ZNF469: variants seen among roughly 807,000 people sequenced by gnomAD.
ZNF469 encodes zinc finger protein 469.
ZNF469 carries 1 observed loss-of-function variant against 1.0 expected under a neutral mutation model. That is an observed-to-expected ratio of 1.00 (90% CI 0.35 to 4.73). The LOEUF (loss-of-function observed/expected upper bound fraction) is 4.73, where lower values mean the gene tolerates loss of function less well. ZNF469 is among the 30% of genes most tolerant of loss of function. The probability of loss-of-function intolerance (pLI) is 0.16; values close to 1 mark genes in which losing one functional copy is unlikely to be tolerated. For missense variants in ZNF469, 6,100 were observed against 5,356.3 expected (o/e 1.14, Z -4.33); for synonymous variants, 2,703 against 2,363.4 (o/e 1.14, Z -4.17).
rs746145535 is a variant in ZNF469, at chr16:88,439,004, C to G, written c.11534C>G (p.Pro3845Arg). 7.1e-6 allele frequency: 11 copies of G among 1,550,452 alleles called. No homozygotes were observed. The highest frequency in any genetic ancestry group is 1.4e-5 in the African/African-American group (1 of 73,182). The change falls in exon 3 of 3, where the codon CCC (proline) becomes CGC (arginine). Residue 3845 changes from proline to arginine, a missense_variant. Physicochemically the swap from Pro to Arg is moderately radical, Grantham distance 103. Coordinates refer to ENST00000565624, the MANE Select transcript of ZNF469 (RefSeq NM_001367624.2). ...GCCCCCTCAGCCCCTGACAAGCCCCCCCGGACCCCTCGGAAGCAGGCAACT... is the reference window on the plus strand; with the variant it reads ...GCCCCCTCAGCCCCTGACAAGCCCCGCCGGACCCCTCGGAAGCAGGCAACT... The part of the protein sequence containing the change: ...GRAPSAPDKP[P>R]RTPRKQATPS...
chr16:88,259,698 C>T, the ZNF469 span, among the ~76,000 whole-genome samples: 1 of 151,936 alleles, frequency 6.6e-6, no homozygotes, highest in Non-Finnish European at 1.5e-5. The surrounding 1 kb of genome is among the most constrained non-coding windows in gnomAD (Gnocchi z 4.1). Context: ...CTCACCCCCA[C>T]CTGCACTCAC....
the ZNF469 span, among the ~76,000 whole-genome samples, chr16:88,371,953 ACC>A: frequency 6.9e-6 from 1 of 144,878 alleles, no homozygotes; most frequent in African/African-American, 2.6e-5. Flanking sequence ...CATCACCATC[ACC>A]ACCATCATCA....
At chr16:88,313,847 A>T in the ZNF469 span, among the ~76,000 whole-genome samples, 1 of 146,182 alleles carries the variant, frequency 6.8e-6, no homozygotes, top group African/African-American at 2.6e-5. Context: ...CTGTCTCTGT[A>T]ATTAAGATGA....
the ZNF469 span, among the ~76,000 whole-genome samples, chr16:88,131,046 G>A: frequency 0.018 from 2,760 of 152,000 alleles, no homozygotes; most frequent in African/African-American, 0.064. Context: ...CGCGGCGTTC[G>A]CCTGGCATTT....
the ZNF469 span, among the ~76,000 whole-genome samples, chr16:88,251,537 T>TGTTTTG: frequency 2.3e-5 from 2 of 87,720 alleles, no homozygotes; most frequent in Non-Finnish European, 5.0e-5. Flanking sequence ...GTCCCTGCTG[T>TGTTTTG]CTTTTTTTTT....
chr16:88,243,930 A>G, the ZNF469 span, among the ~76,000 whole-genome samples: 4 of 96,634 alleles, frequency 4.1e-5, no homozygotes, highest in African/African-American at 1.7e-4. Context: ...ATATATATAT[A>G]TATATATATA....
At chr16:88,134,471 G>T in the ZNF469 span, among the ~76,000 whole-genome samples, 12 of 152,198 alleles carry the variant, frequency 7.9e-5, no homozygotes, top group Non-Finnish European at 1.6e-4. Context: ...CATTCCGTGT[G>T]GTTACTTTCT....
the ZNF469 span, among the ~76,000 whole-genome samples, chr16:88,350,769 C>T: frequency 2.0e-5 from 3 of 152,220 alleles, no homozygotes; most frequent in Admixed American, 6.5e-5. Context: ...GTTAGAGACA[C>T]GCGCTGCGGG....
At chr16:88,132,420 T>C in the ZNF469 span, among the ~76,000 whole-genome samples, 2 of 152,092 alleles carry the variant, frequency 1.3e-5, no homozygotes, top group African/African-American at 4.8e-5. Context: ...GAGCGCCGCG[T>C]AGCCGGCGGG....
At position 88,438,604 on chromosome 16, in the gene ZNF469, G is replaced by C. The variant is rs759634111; in HGVS notation, c.11134G>C (p.Ala3712Pro). Residue 3712 changes from alanine (A) to proline (P), a missense_variant, in exon 3 of 3, where the codon GCC becomes CCC. Coordinates refer to ENST00000565624, the MANE Select transcript of ZNF469 (RefSeq NM_001367624.2). The stretch of plus-strand genomic sequence containing the variant: ...GGGGAGCCTGGCACCCGGGGAGCTG[G>C]CCCGTGGCACAGAGAATGGGATGAA... ...AVGSLAPGEL[A>P]RGTENGMKPA... 2.6e-6 allele frequency: 4 copies of C among 1,550,100 alleles called. No individual in the cohort carries two copies. Among genetic ancestry groups the C allele is most frequent in the Non-Finnish European group, 3.5e-6 (4 of 1,146,924 alleles).
At chr16:88,217,260 C>T in the ZNF469 span, among the ~76,000 whole-genome samples, 1 of 152,052 alleles carries the variant, frequency 6.6e-6, no homozygotes, top group Non-Finnish European at 1.5e-5. Flanking sequence ...TAACTCCTCT[C>T]CTTAATCCAG....
chr16:88,175,205 C>T, the ZNF469 span, among the ~76,000 whole-genome samples: 1 of 152,132 alleles, frequency 6.6e-6, no homozygotes, highest in African/African-American at 2.4e-5. Flanking sequence ...CACAGCAGCA[C>T]CTAGAATAGA....
chr16:88,281,842 C>T, the ZNF469 span, among the ~76,000 whole-genome samples: 2 of 152,074 alleles, frequency 1.3e-5, no homozygotes, highest in African/African-American at 4.8e-5. Flanking sequence ...CATGCTGACG[C>T]TTGGTCAGTA....
the ZNF469 span, among the ~76,000 whole-genome samples, chr16:88,215,267 C>T: frequency 6.6e-6 from 1 of 151,428 alleles, no homozygotes; most frequent in African/African-American, 2.4e-5. Context: ...CTCTTTTATA[C>T]CTTCCTTCTT....
At chr16:88,143,924 G>T in the ZNF469 span, among the ~76,000 whole-genome samples, 1 of 152,230 alleles carries the variant, frequency 6.6e-6, no homozygotes, top group South Asian at 2.1e-4. Flanking sequence ...CTTCCTCTTC[G>T]CAAGGACACC....
the ZNF469 span, among the ~76,000 whole-genome samples, chr16:88,323,521 A>G: frequency 1.1e-4 from 17 of 152,134 alleles, no homozygotes; most frequent in African/African-American, 4.1e-4. Context: ...GTGGGGTGAG[A>G]GGGCCCTGGG....
the ZNF469 span, among the ~76,000 whole-genome samples, chr16:88,364,832 G>A: frequency 6.6e-6 from 1 of 152,136 alleles, no homozygotes; most frequent in African/African-American, 2.4e-5. Flanking sequence ...GGGTGTGGTG[G>A]CAGGAGCCTG....
At chr16:88,306,081 G>C in the ZNF469 span, among the ~76,000 whole-genome samples, 13 of 152,368 alleles carry the variant, frequency 8.5e-5, no homozygotes, top group Admixed American at 3.9e-4. Context: ...AGACGCCAAG[G>C]CTGGTAGTTC....
the ZNF469 span, among the ~76,000 whole-genome samples, chr16:88,126,716 C>T: frequency 2.0e-5 from 3 of 151,846 alleles, no homozygotes; most frequent in South Asian, 2.1e-4. Context: ...TGCAGTGGCT[C>T]GATCTCGGCT....
Sources: allele counts gnomAD v4.1 joint callset (sites outside exome capture counted in the v4.1 genomes callset), GRCh38; gene constraint gnomAD v4.1.1; non-coding constraint Gnocchi (gnomAD v3.1); transcripts MANE v1.5; gene names NCBI Gene and HGNC (gene_info 2026-07-23, HGNC 2026-07-21).